FGGY: variants seen among roughly 807,000 people sequenced by gnomAD.
FGGY encodes the protein FGGY carbohydrate kinase domain containing.
A neutral mutation model predicts 71.3 loss-of-function variants in FGGY; 72 were observed. The ratio of observed to expected loss-of-function variants is 1.01; its 90% CI spans 0.84 to 1.23. The LOEUF is 1.23. Among genes scored for constraint, FGGY ranks in the 50% most tolerant of loss-of-function variants. The pLI is 0.00. For missense variants in FGGY, 668 were observed against 682.3 expected (o/e 0.98, Z 0.23); for synonymous variants, 251 against 250.3 (o/e 1.00, Z -0.02).
At chr1:59,752,078 A>G (rs2098250088) in intron 14 of FGGY, among the ~76,000 whole-genome samples, 1 of 152,228 alleles carries the variant, frequency 6.6e-6, no homozygotes, top group Non-Finnish European at 1.5e-5. Flanking sequence ...ATGTGTGGCC[A>G]AACTGATAAA....
intron 5 of FGGY, among the ~76,000 whole-genome samples, chr1:59,385,388 T>C (rs1227273001): frequency 2.1e-5 from 3 of 145,048 alleles, no homozygotes; most frequent in Non-Finnish European, 4.6e-5. Flanking sequence ...TTATCACTTA[T>C]TGAGTGCCTT....
At chr1:59,591,696 C>T (rs2096442938) in intron 8 of FGGY, among the ~76,000 whole-genome samples, 1 of 152,106 alleles carries the variant, frequency 6.6e-6, no homozygotes, top group Non-Finnish European at 1.5e-5. Context: ...GGAAAGGATT[C>T]CCTATTTAAT....
intron 5 of FGGY, among the ~76,000 whole-genome samples, chr1:59,436,776 C>T (rs1324986246): frequency 6.6e-6 from 1 of 152,126 alleles, no homozygotes; most frequent in African/African-American, 2.4e-5. Context: ...GTGCAGGAAG[C>T]CTTGTGTTGT....
intron 12 of FGGY, among the ~76,000 whole-genome samples, chr1:59,664,071 C>T (rs774396551): frequency 2.0e-5 from 3 of 152,132 alleles, no homozygotes; most frequent in Non-Finnish European, 2.9e-5. Flanking sequence ...GTCAACCACC[C>T]GGTTTATCCA....
At chr1:59,657,293 G>C (rs2097228031) in intron 11 of FGGY, among the ~76,000 whole-genome samples, 1 of 152,274 alleles carries the variant, frequency 6.6e-6, no homozygotes, top group Non-Finnish European at 1.5e-5. Flanking sequence ...GCCACACAGA[G>C]GATCATGGCT....
chr1:59,674,027 T>A lies in FGGY; in HGVS notation c.1418-12T>A. The A allele has an allele frequency of 2.5e-6, 4 of 1,612,002 alleles. No homozygotes were observed. Among genetic ancestry groups the A allele is most frequent in the Non-Finnish European group, 3.4e-6 (4 of 1,178,978 alleles). ...CTGCTCCCTAACCAAGGTGTGGCCT[T>A]GTCCTGCGCAGGCATGCCTGTGGTC... On this transcript the variant is annotated splice_polypyrimidine_tract_variant and intron_variant, in intron 13 of 15. Coordinates refer to ENST00000303721, the MANE Select transcript of FGGY (RefSeq NM_018291.5).
intron 5 of FGGY, among the ~76,000 whole-genome samples, chr1:59,451,559 G>A (rs2072730389): frequency 6.6e-6 from 1 of 151,562 alleles, no homozygotes; most frequent in African/African-American, 2.4e-5. Context: ...ATATATGCAG[G>A]AAAGAGACAC....
chr1:59,469,220 T>C (rs1427923343), intron 6 of FGGY, among the ~76,000 whole-genome samples: 2 of 152,242 alleles, frequency 1.3e-5, no homozygotes, highest in Non-Finnish European at 2.9e-5. Context: ...GTATTAGTTC[T>C]TTTCTGCTGC....
At chr1:59,543,995 T>C (rs1571026981) in intron 7 of FGGY, among the ~76,000 whole-genome samples, 1 of 152,230 alleles carries the variant, frequency 6.6e-6, no homozygotes. Context: ...TACAAGGCTC[T>C]TGCCTTATAC....
At chr1:59,734,138 G>GTC (rs890559272) in intron 14 of FGGY, among the ~76,000 whole-genome samples, 1 of 152,170 alleles carries the variant, frequency 6.6e-6, no homozygotes, top group Non-Finnish European at 1.5e-5. Flanking sequence ...TCAAGTATCA[G>GTC]TTTTCTTTTC....
intron 9 of FGGY, among the ~76,000 whole-genome samples, chr1:59,614,454 C>T (rs2096727653): frequency 6.6e-6 from 1 of 152,174 alleles, no homozygotes; most frequent in African/African-American, 2.4e-5. Context: ...AACAACCCCT[C>T]ATGCTAAAAA....
chr1:59,297,646 C>T (rs1310808155), intron 1 of FGGY, among the ~76,000 whole-genome samples: 2 of 151,032 alleles, frequency 1.3e-5, no homozygotes, highest in African/African-American at 2.5e-5. Context: ...CACGGTGAAA[C>T]CCCCGTCTCT....
At chr1:59,623,161 T>G (rs911327865) in intron 9 of FGGY, among the ~76,000 whole-genome samples, 6 of 152,196 alleles carry the variant, frequency 3.9e-5, no homozygotes, top group African/African-American at 1.4e-4. Context: ...CAACCTGTGA[T>G]CTTTGTCTGC....
intron 6 of FGGY, among the ~76,000 whole-genome samples, chr1:59,506,266 C>T (rs2153618425): frequency 6.6e-6 from 1 of 152,174 alleles, no homozygotes; most frequent in African/African-American, 2.4e-5. Flanking sequence ...TACACTGGAT[C>T]CCAACCCATG....
rs1393811760 is a variant in FGGY at position 59,412,488 on chromosome 1, CTCTCCT to C, written c.554+33657_554+33662del. 2.0e-5 allele frequency among the ~76,000 whole-genome samples: 3 copies of C among 152,188 alleles called. No individual in the cohort carries two copies. In the East Asian group the frequency reaches 5.8e-4, roughly 29 times the overall value. ...GTTTTATTCCCTTTGTCTATCAGTC[CTCTCCT>C]TCTCCCTAAGATTGCACTACCTGAT... On this transcript the variant is annotated intron_variant, in intron 5 of 15. Transcript: ENST00000303721.
At chr1:59,319,508 C>T (rs986112414) in intron 1 of FGGY, among the ~76,000 whole-genome samples, 1 of 152,088 alleles carries the variant, frequency 6.6e-6, no homozygotes, top group African/African-American at 2.4e-5. Flanking sequence ...TGTTGGCATC[C>T]TTTGTATGTA....
At chr1:59,624,127 T>C (rs1004472839) in intron 9 of FGGY, among the ~76,000 whole-genome samples, 1 of 70 alleles carries the variant, frequency 0.014, no homozygotes, top group African/African-American at 0.019. Flanking sequence ...ACTGCATGAG[T>C]TTTTTTTTTT....
chr1:59,694,327 A>G (rs1191250316), intron 14 of FGGY, among the ~76,000 whole-genome samples: 3 of 148,870 alleles, frequency 2.0e-5, no homozygotes, highest in African/African-American at 7.7e-5. Flanking sequence ...AAATAAATAA[A>G]TAAATAAAAT....
intron 9 of FGGY, among the ~76,000 whole-genome samples, chr1:59,615,841 T>G (rs956412517): frequency 2.6e-5 from 4 of 152,096 alleles, no homozygotes; most frequent in African/African-American, 9.7e-5. Context: ...GCGAAAGATA[T>G]GAACAGACAC....
Sources: allele counts gnomAD v4.1 joint callset (sites outside exome capture counted in the v4.1 genomes callset), GRCh38; gene constraint gnomAD v4.1.1; transcripts MANE v1.5; gene names NCBI Gene and HGNC (gene_info 2026-07-23, HGNC 2026-07-21).